Variants in MGLL observed in about 807,000 individuals in gnomAD.
MGLL encodes the protein lysophospholipase homolog.
Under a neutral mutation model 29.1 loss-of-function variants are expected in MGLL, and 7 were observed. The observed-to-expected ratio is 0.24, with a 90% CI of 0.14 to 0.45. MGLL has a LOEUF of 0.45. MGLL is among the 20% of genes least tolerant of loss of function. The pLI, the probability that MGLL is intolerant of heterozygous loss-of-function variation, is 0.99. For synonymous variants in MGLL, 148 were observed against 168.3 expected (o/e 0.88, Z 0.93); for missense variants, 356 against 413.6 (o/e 0.86, Z 1.21).
In MGLL at chr3:127,725,256, G is replaced by A. The variant is rs148319725; in HGVS notation, c.263-2690C>T. On this transcript the variant is annotated intron_variant, in intron 3 of 7. Transcript: ENST00000265052. ...GCTCTCCTCCTTCTCATCTGGCTGT[G>A]TTTTCTTTTTCTCTTTTCCTTCCTG... Among the ~76,000 whole-genome samples the A allele has an allele frequency of 1.8e-3, 281 of 152,208 alleles. 1 individual carries two copies. The highest frequency in any genetic ancestry group is 6.3e-3 in the African/African-American group (260 of 41,506).
chr3:127,736,058 C>A lies in MGLL; in HGVS notation c.263-13492G>T, dbSNP rs1479986584. 1.1e-5 allele frequency: 15 copies of A among 1,325,328 alleles called. No individual in the cohort carries two copies. In the African/African-American group the frequency reaches 1.8e-4, roughly 16 times the overall value. 82.1% of individuals were successfully genotyped at this position (1,325,328 alleles called of 1,614,324 possible). On this transcript the variant is annotated intron_variant, in intron 3 of 7. Transcript: ENST00000265052. ...TTCCCTTGAAAACATTCAGTTAGAT[C>A]TGTTGTCCTCTGTGAGATTACAGAA...
intron 2 of MGLL, among the ~76,000 whole-genome samples, chr3:127,787,843 C>T (rs1410753364): frequency 2.0e-5 from 3 of 152,256 alleles, no homozygotes; most frequent in African/African-American, 7.2e-5. Flanking sequence ...TTGACCGGCA[C>T]GTCTGCCGTC....
intron 3 of MGLL, among the ~76,000 whole-genome samples, chr3:127,738,560 CT>C (rs1410193532): frequency 6.6e-6 from 1 of 152,204 alleles, no homozygotes; most frequent in African/African-American, 2.4e-5. Context: ...CAGGAGCCAT[CT>C]GCCAGGCTGG....
At chr3:127,722,218 C>G (rs1244548726) in intron 4 of MGLL, among the ~76,000 whole-genome samples, 1 of 152,214 alleles carries the variant, frequency 6.6e-6, no homozygotes, top group Non-Finnish European at 1.5e-5. Context: ...CAAGAGGCCC[C>G]GTATTCAAGC....
At position 127,752,103 on chromosome 3, in the gene MGLL, C is replaced by CTT. The variant is rs34517374; in HGVS notation, c.263-29539_263-29538dup. 2.2e-4 allele frequency among the ~76,000 whole-genome samples: 32 copies of CTT among 148,260 alleles called. 1 individual carries two copies. The highest frequency in any genetic ancestry group is 2.0e-3 in the East Asian group (10 of 5,062). On this transcript the variant is annotated intron_variant, in intron 3 of 7. Coordinates refer to ENST00000265052, the MANE Select transcript of MGLL (RefSeq NM_007283.7). Reference sequence around the variant, plus strand: ...ACACTCATGTCTCAGCTCTGTGTCACTTTTTTTTTTTTAGACGGAGTTTCA... The same window carrying CTT: ...ACACTCATGTCTCAGCTCTGTGTCACTTTTTTTTTTTTTTAGACGGAGTTTCA...
At chr3:127,752,491 G>GA (rs983737173) in intron 3 of MGLL, among the ~76,000 whole-genome samples, 2 of 152,100 alleles carry the variant, frequency 1.3e-5, no homozygotes, top group African/African-American at 4.8e-5. Flanking sequence ...TCCATAGCCA[G>GA]AATTATAGAC....
intron 3 of MGLL, among the ~76,000 whole-genome samples, chr3:127,759,695 T>C (rs1038346634): frequency 6.6e-6 from 1 of 152,220 alleles, no homozygotes; most frequent in Non-Finnish European, 1.5e-5. Context: ...GGTTCTCGTG[T>C]GGACTGGGAG....
At chr3:127,716,902 G>T (rs1206235565) in intron 5 of MGLL, among the ~76,000 whole-genome samples, 2 of 152,198 alleles carry the variant, frequency 1.3e-5, no homozygotes, top group Non-Finnish European at 2.9e-5. Context: ...CCTTAAGGCA[G>T]CCATAAAACA....
At chr3:127,799,748 G>A (rs1042923753) in intron 2 of MGLL, among the ~76,000 whole-genome samples, 5 of 152,164 alleles carry the variant, frequency 3.3e-5, no homozygotes, top group African/African-American at 9.7e-5. Context: ...ACCGGCAAAG[G>A]AAGGGCTTCA....
At chr3:127,772,430 G>A (rs183356549) in intron 3 of MGLL, among the ~76,000 whole-genome samples, 3 of 152,332 alleles carry the variant, frequency 2.0e-5, no homozygotes, top group East Asian at 1.9e-4. Context: ...TTAGAGCCAA[G>A]GTCTGTCTCT....
chr3:127,710,740 C>T (rs2075695266), intron 5 of MGLL, 75 bp from the exon 6 acceptor site: 1 of 1,299,982 alleles, frequency 7.7e-7, no homozygotes, highest in Non-Finnish European at 1.1e-6. Flanking sequence ...TGACAGTTTA[C>T]AGTACATTAA....
chr3:127,708,715 G>A (rs757649945), intron 6 of MGLL, among the ~76,000 whole-genome samples: 7 of 152,110 alleles, frequency 4.6e-5, no homozygotes, highest in African/African-American at 1.4e-4. Flanking sequence ...TGGCACTGCC[G>A]CTACAAAGAT....
intron 2 of MGLL, chr3:127,791,082 AGCGTCTGAG>A (rs2077292280): frequency 6.6e-6 from 1 of 152,220 alleles, no homozygotes; most frequent in African/African-American, 2.4e-5. Context: ...TGGCCGGCCC[AGCGTCTGAG>A]GAGGCTTCCT....
chr3:127,800,528 T>C (rs1430366055), intron 2 of MGLL, among the ~76,000 whole-genome samples: 3 of 152,178 alleles, frequency 2.0e-5, no homozygotes, highest in African/African-American at 4.8e-5. Context: ...ACATAGAATA[T>C]ACACAATAAA....
intron 3 of MGLL, among the ~76,000 whole-genome samples, chr3:127,767,798 A>C (rs1401536337): frequency 6.6e-6 from 1 of 152,244 alleles, no homozygotes; most frequent in African/African-American, 2.4e-5. Flanking sequence ...TTTTCAGTAC[A>C]TGTCTTCAGC....
intron 2 of MGLL, among the ~76,000 whole-genome samples, chr3:127,789,114 G>C (rs376760925): frequency 1.3e-5 from 2 of 152,268 alleles, no homozygotes; most frequent in South Asian, 2.1e-4. Context: ...CAAAAGGGGT[G>C]GGGGGATGTG....
chr3:127,728,226 C>T (rs1022844460), intron 3 of MGLL, among the ~76,000 whole-genome samples: 4 of 152,172 alleles, frequency 2.6e-5, no homozygotes, highest in Non-Finnish European at 5.9e-5. Flanking sequence ...CCGCTCGTTC[C>T]CTAGCGTTAA....
At chr3:127,819,407 G>A (rs2077817848) in intron 2 of MGLL, among the ~76,000 whole-genome samples, 1 of 152,182 alleles carries the variant, frequency 6.6e-6, no homozygotes, top group African/African-American at 2.4e-5. Flanking sequence ...GGCTTCTGAG[G>A]TCCCTAGGGT....
chr3:127,800,913 G>A (rs1327995979), intron 2 of MGLL, among the ~76,000 whole-genome samples: 5 of 152,330 alleles, frequency 3.3e-5, no homozygotes, highest in African/African-American at 4.8e-5. Flanking sequence ...AGAGCTCACC[G>A]GGTACCAGGC....
Sources: gnomAD v4.1 joint callset for allele counts (sites outside exome capture counted in the v4.1 genomes callset) on GRCh38, gnomAD v4.1.1 for gene constraint, MANE v1.5 for transcripts, NCBI Gene and HGNC (gene_info 2026-07-23, HGNC 2026-07-21) for gene names.